The following CLTCL1 variants were observed in gnomAD, a reference collection of about 807,000 sequenced individuals.
CLTCL1 encodes the protein clathrin heavy chain like 1.
CLTCL1 carries 159 observed loss-of-function variants against 190.0 expected under a neutral mutation model. The ratio of observed to expected loss-of-function variants is 0.84; its 90% confidence interval spans 0.74 to 0.95. The LOEUF (loss-of-function observed/expected upper bound fraction) is 0.95. Ranked by LOEUF, CLTCL1 falls within the 40% of genes least tolerant of loss-of-function variation. CLTCL1 has a pLI of 0.00. For synonymous variants in CLTCL1, 752 were observed against 769.6 expected (o/e 0.98, Z 0.38); for missense variants, 1,878 against 2,033.4 (o/e 0.92, Z 1.47).
chr22:19,194,443 C>T lies in CLTCL1; in HGVS notation c.4191+1823G>A, dbSNP rs141141036. On this transcript the variant is annotated intron_variant, in intron 26 of 32. Transcript: ENST00000427926. ...GTTGCAGTGAGCCAAGATCGCGCCA[C>T]TGCACTCCAGCCTGAGTGACAGAGT... Among the ~76,000 whole-genome samples the T allele has an allele frequency of 2.2e-3, 338 of 152,286 alleles. 9 individuals carry two copies. The East Asian group carries it at 0.058, about 26-fold the overall frequency.
chr22:19,270,334 A>C (rs1367904682), intron 2 of CLTCL1, among the ~76,000 whole-genome samples: 1 of 152,136 alleles, frequency 6.6e-6, no homozygotes, highest in Non-Finnish European at 1.5e-5. Context: ...AATGGTTCTA[A>C]ACAGGCATGA....
At chr22:19,255,951 A>AG (rs2086734968) in intron 2 of CLTCL1, among the ~76,000 whole-genome samples, 1 of 151,956 alleles carries the variant, frequency 6.6e-6, no homozygotes, top group African/African-American at 2.4e-5. Context: ...CCCAAAACAT[A>AG]GCATTTTGGA....
chr22:19,235,732 T>C lies in CLTCL1; in HGVS notation c.933A>G (p.Pro311=), dbSNP rs1555961694. ...DTIFVTAPHK[P]TSGIIGVNKK... ...TGTTGACACCAATAATTCCAGAGGT[T>C]GGTTTGTGTGGAGCAGTGACAAATA... The change falls in exon 6 of 33, where the codon CCA becomes CCG. Residue 311 remains proline, a synonymous_variant. Coordinates refer to ENST00000427926, the MANE Select transcript of CLTCL1 (RefSeq NM_007098.4). 3 of 1,613,546 alleles carry C rather than the reference T, an allele frequency of 1.9e-6. No homozygotes were observed. The highest frequency in any genetic ancestry group is 2.5e-6 in the Non-Finnish European group (3 of 1,179,778).
At chr22:19,221,784 G>C (rs1471740979) in intron 16 of CLTCL1, among the ~76,000 whole-genome samples, 167 bp downstream of exon 16, 1 of 152,080 alleles carries the variant, frequency 6.6e-6, no homozygotes, top group African/African-American at 2.4e-5. Context: ...CTACTGTTAG[G>C]TTTTCCCCCA....
At chr22:19,214,590 T>C (rs1555948600) in intron 19 of CLTCL1, among the ~76,000 whole-genome samples, 1 of 152,186 alleles carries the variant, frequency 6.6e-6, no homozygotes, top group Non-Finnish European at 1.5e-5. Context: ...TAAAGGTTTA[T>C]TTATGGTTTC....
intron 3 of CLTCL1, among the ~76,000 whole-genome samples, chr22:19,250,382 A>G (rs1334659650): frequency 7.1e-6 from 1 of 141,800 alleles, no homozygotes; most frequent in Admixed American, 7.3e-5. Context: ...TCTATTGCCC[A>G]GGCTGGAATG....
chr22:19,252,619 C>T (rs1275532935), intron 3 of CLTCL1, among the ~76,000 whole-genome samples: 1 of 152,192 alleles, frequency 6.6e-6, no homozygotes, highest in Non-Finnish European at 1.5e-5. Flanking sequence ...AGGCTATAGA[C>T]AAATCATTCA....
In CLTCL1 at chr22:19,200,210, G is replaced by A. The variant is rs11914061; in HGVS notation, c.3766-369C>T. ...CATCTCATCTGAGTGTTGTTTTCAC[G>A]GGGGAGCTTGTTTTAATAGTTTTTT... is the stretch of plus-strand genomic sequence containing the variant. On this transcript the variant is annotated intron_variant, in intron 23 of 32. Transcript: ENST00000427926. Among the ~76,000 whole-genome samples, 1,183 of 152,192 alleles carry A rather than the reference G, an allele frequency of 7.8e-3. 24 individuals are homozygous for A. The highest frequency in any genetic ancestry group is 0.027 in the African/African-American group (1,112 of 41,532).
At chr22:19,199,103 T>A (rs1312746164) in intron 24 of CLTCL1, among the ~76,000 whole-genome samples, 2 of 152,140 alleles carry the variant, frequency 1.3e-5, no homozygotes, top group African/African-American at 4.8e-5. Context: ...ATGGCCATGG[T>A]GACACTGCTG....
intron 2 of CLTCL1, among the ~76,000 whole-genome samples, chr22:19,256,335 TTTTTTC>T (rs199649030): frequency 2.0e-5 from 3 of 148,272 alleles, no homozygotes; most frequent in African/African-American, 4.9e-5. Flanking sequence ...TTTTTCTTTT[TTTTTTC>T]TTTTTCTTTT....
chr22:19,237,563 G>T (rs1425428537), intron 5 of CLTCL1, among the ~76,000 whole-genome samples: 1 of 152,092 alleles, frequency 6.6e-6, no homozygotes, highest in Admixed American at 6.5e-5. Context: ...TTTATCCTCG[G>T]ACTTTTAGAC....
Position 19,188,062 on chromosome 22 carries a change from G to T in CLTCL1, c.4353C>A (p.Tyr1451Ter). Residue 1451 changes from tyrosine to a stop codon, truncating the protein, a stop_gained, in exon 28 of 33, where the codon TAC becomes TAA. Transcript: ENST00000427926. LOFTEE classifies it high-confidence loss of function. The stretch of plus-strand genomic sequence containing the variant: ...TGTTGTGGCTCTGGACTGACCGCAG[G>T]TAAGGCTTCACCAGGGGCAGCTGAC... ...KAGQLPLVKP[Y>*]LRSVQSHNNK... 1 of 1,614,034 alleles carries T rather than the reference G, an allele frequency of 6.2e-7. No homozygotes were observed. Among genetic ancestry groups the T allele is most frequent in the Non-Finnish European group, 8.5e-7 (1 of 1,179,892 alleles).
At chr22:19,182,311 T>C (rs1555926141) in intron 30 of CLTCL1, 1 of 152,330 alleles carries the variant, frequency 6.6e-6, no homozygotes, top group Non-Finnish European at 1.5e-5. Flanking sequence ...CCATCCACTG[T>C]GGTGGGGGAA....
intron 23 of CLTCL1, 116 bp from the exon 24 acceptor site, chr22:19,199,957 T>A: frequency 1.6e-6 from 1 of 637,012 alleles, no homozygotes. Context: ...GTATTTTAAG[T>A]TGGATTCTGA....
intron 11 of CLTCL1, among the ~76,000 whole-genome samples, chr22:19,227,872 G>A (rs1212742511): frequency 6.6e-6 from 1 of 152,170 alleles, no homozygotes; most frequent in Non-Finnish European, 1.5e-5. Context: ...TTATAGGCGC[G>A]AGCCACTGCA....
chr22:19,191,356 A>T lies in CLTCL1; in HGVS notation c.4271T>A (p.Leu1424Gln), dbSNP rs1555931889. Reference sequence around the variant, plus strand: ...GTGGTCCAGCCGGGGTGAAAGCACCAGCAGCAGGTCATTGATGAGCAGTGG... The same window carrying T: ...GTGGTCCAGCCGGGGTGAAAGCACCTGCAGCAGGTCATTGATGAGCAGTGG... ...YKPLLINDLL[L>Q]VLSPRLDHTW... The change falls in exon 27 of 33, where the codon CTG becomes CAG. Residue 1424 changes from leucine (L) to glutamine (Q), a missense_variant. Transcript: ENST00000427926. 6.2e-7 allele frequency: 1 copy of T among 1,614,048 alleles called. No individual in the cohort carries two copies. The highest frequency in any genetic ancestry group is 1.7e-5 in the Admixed American group (1 of 60,028).
At chr22:19,232,450 A>C (rs782460528) in intron 10 of CLTCL1, 26 bp downstream of exon 10, 2 of 1,613,408 alleles carry the variant, frequency 1.2e-6, no homozygotes, top group African/African-American at 2.7e-5. Flanking sequence ...AGCCACAAAA[A>C]GTTGTCCAAA....
intron 27 of CLTCL1, among the ~76,000 whole-genome samples, chr22:19,190,596 C>CAAAAAAAAAAAAAAAA (rs55780206): frequency 7.7e-4 from 56 of 72,816 alleles, no homozygotes; most frequent in South Asian, 2.3e-3. Context: ...AAGACTGTCT[C>CAAAAAAAAAAAAAAAA]AAAAAAAAAA....
At chr22:19,223,344 G>A (rs918985134) in intron 14 of CLTCL1, among the ~76,000 whole-genome samples, 1 of 151,564 alleles carries the variant, frequency 6.6e-6, no homozygotes, top group East Asian at 1.9e-4. Context: ...GAATCCAAGT[G>A]TCATCTGCCA....
Sources: gnomAD v4.1 joint callset for allele counts (sites outside exome capture counted in the v4.1 genomes callset) on GRCh38, gnomAD v4.1.1 for gene constraint, MANE v1.5 for transcripts, NCBI Gene and HGNC (gene_info 2026-07-23, HGNC 2026-07-21) for gene names.